Variants in TRIO observed in about 807,000 individuals in gnomAD.
TRIO encodes the protein triple functional domain protein.
A neutral mutation model predicts 351.9 loss-of-function variants in TRIO; 58 were observed. That is an observed-to-expected ratio of 0.16 (90% CI 0.13 to 0.21). The LOEUF is 0.21. Ranked by LOEUF, TRIO falls within the 10% of genes least tolerant of loss-of-function variation. The pLI is 1.00. For missense variants in TRIO, 3,201 were observed against 4,027.8 expected (o/e 0.79, Z 5.56); for synonymous variants, 1,758 against 1,595.7 (o/e 1.10, Z -2.42).
intron 34 of TRIO, among the ~76,000 whole-genome samples, chr5:14,453,205 G>A (rs1008111340): frequency 2.6e-5 from 4 of 151,956 alleles, no homozygotes; most frequent in Non-Finnish European, 5.9e-5. Context: ...CTTTCTCTTG[G>A]TGCTTCAAGC....
chr5:14,202,938 AT>A (rs1791226501), intron 1 of TRIO, among the ~76,000 whole-genome samples: 1 of 151,902 alleles, frequency 6.6e-6, no homozygotes, highest in Non-Finnish European at 1.5e-5. Flanking sequence ...GTCATTTATA[AT>A]TTTTATTTAT....
intron 34 of TRIO, among the ~76,000 whole-genome samples, chr5:14,423,189 G>A (rs1282115039): frequency 1.3e-5 from 2 of 152,224 alleles, no homozygotes; most frequent in African/African-American, 4.8e-5. Context: ...TGTGTTTGTC[G>A]TTTATGCTGT....
Position 14,462,972 on chromosome 5 carries a change from C to T in TRIO, c.5667+47C>T, listed in dbSNP as rs576480373. 5.3e-6 allele frequency: 8 copies of T among 1,513,382 alleles called. No individual in the cohort carries two copies. The African/African-American group carries it at 8.4e-5, about 16-fold the overall frequency. 93.7% of individuals were successfully genotyped at this position (1,513,382 alleles called of 1,614,324 possible). On this transcript the variant is annotated intron_variant, in intron 36 of 56. Transcript: ENST00000344204. ...GGAATCCATGCCTGCCGTGCAGGGG[C>T]AGGGCACGCTCGGTAGCTGCTTCAC...
intron 33 of TRIO, among the ~76,000 whole-genome samples, chr5:14,415,666 C>T (rs181924697): frequency 6.6e-6 from 1 of 152,266 alleles, no homozygotes; most frequent in African/African-American, 2.4e-5. Context: ...GTATTTCATT[C>T]TCTCGGGTGA....
At chr5:14,146,448 C>G (rs914936468) in intron 1 of TRIO, among the ~76,000 whole-genome samples, 3 of 152,142 alleles carry the variant, frequency 2.0e-5, no homozygotes, top group African/African-American at 7.2e-5. Context: ...GCCTGATTTT[C>G]TTTCTTTTTT....
rs145624600 is a variant in TRIO at position 14,389,315 on chromosome 5, C to G, written c.3975C>G (p.Gly1325=). 6.2e-7 allele frequency: 1 copy of G among 1,611,932 alleles called. No homozygotes were observed. Among genetic ancestry groups the G allele is most frequent in the African/African-American group, 1.3e-5 (1 of 74,694 alleles). The change falls in exon 25 of 57, where the codon GGC becomes GGG. Residue 1325 remains glycine, a synonymous_variant. Coordinates refer to ENST00000344204, the MANE Select transcript of TRIO (RefSeq NM_007118.4). ...CGTACCTGTGGGAAATGACCAGTGG[C>G]GTGGAAGAGATTCCACCTGGCATTG... is the stretch of plus-strand genomic sequence containing the variant. ...MDTYLWEMTS[G]VEEIPPGIVN... is the part of the protein sequence containing the mutation.
chr5:14,420,153 G>GACTGTCC, intron 34 of TRIO, 132 bp downstream of exon 34: 1 of 1,367,148 alleles, frequency 7.3e-7, no homozygotes, highest in African/African-American at 1.5e-5. Context: ...CATGGTCACT[G>GACTGTCC]ACTGTCCGGG....
intron 21 of TRIO, among the ~76,000 whole-genome samples, chr5:14,385,060 C>T (rs567670931): frequency 6.6e-6 from 1 of 152,266 alleles, no homozygotes; most frequent in African/African-American, 2.4e-5. Context: ...TTCATTTCAC[C>T]CAGTGGATTA....
At chr5:14,505,559 G>GC in intron 55 of TRIO, among the ~76,000 whole-genome samples, 1 of 152,328 alleles carries the variant, frequency 6.6e-6, no homozygotes, top group East Asian at 1.9e-4. Context: ...CAAGCTCGGG[G>GC]CCCCTCGCCG....
chr5:14,500,071 A>G (rs1426652182), intron 53 of TRIO, among the ~76,000 whole-genome samples: 1 of 146,242 alleles, frequency 6.8e-6, no homozygotes, highest in African/African-American at 2.5e-5. Flanking sequence ...AAAAAAAAAG[A>G]CTATTCATAC....
chr5:14,203,264 G>A (rs1380941025), intron 1 of TRIO, among the ~76,000 whole-genome samples: 1 of 152,166 alleles, frequency 6.6e-6, no homozygotes. Context: ...GATTCCAGAA[G>A]GCGTTGAGTC....
chr5:14,383,281 C>A (rs1388019013), intron 21 of TRIO, among the ~76,000 whole-genome samples: 1 of 152,206 alleles, frequency 6.6e-6, no homozygotes, highest in East Asian at 1.9e-4. Context: ...ACATCACATA[C>A]CACACTCAAA....
chr5:14,237,637 G>A (rs1156418939), intron 1 of TRIO, among the ~76,000 whole-genome samples: 1 of 152,218 alleles, frequency 6.6e-6, no homozygotes, highest in Admixed American at 6.5e-5. Context: ...ACAGATGGAA[G>A]TGAATGTGAA....
intron 8 of TRIO, among the ~76,000 whole-genome samples, chr5:14,307,119 G>A (rs1249739497): frequency 6.6e-6 from 1 of 152,190 alleles, no homozygotes; most frequent in East Asian, 1.9e-4. Context: ...CAGGGCTACA[G>A]GAAAGTGGTA....
chr5:14,415,375 G>A (rs1749554849), intron 33 of TRIO, among the ~76,000 whole-genome samples: 1 of 152,094 alleles, frequency 6.6e-6, no homozygotes, highest in South Asian at 2.1e-4. Context: ...GCAGAGCTTG[G>A]TAATTCAAAC....
intron 11 of TRIO, among the ~76,000 whole-genome samples, chr5:14,351,147 C>T (rs1743053102): frequency 6.6e-6 from 1 of 152,162 alleles, no homozygotes; most frequent in East Asian, 1.9e-4. Context: ...ACATTGGTGA[C>T]CCCTGTATTA....
chr5:14,295,826 G>A lies in TRIO; in HGVS notation c.1177-1246G>A, dbSNP rs114157896. On this transcript the variant is annotated intron_variant, in intron 6 of 56. Coordinates refer to ENST00000344204, the MANE Select transcript of TRIO (RefSeq NM_007118.4). ...CTTGACTGTTGCAGCCTCTTTCTGC[G>A]ACTCCAGACATGCGATGTCTGTTAG... Among the ~76,000 whole-genome samples the A allele has an allele frequency of 7.2e-3, 1,093 of 152,218 alleles. 6 individuals are homozygous for A. The highest frequency in any genetic ancestry group is 0.025 in the African/African-American group (1,040 of 41,520).
At chr5:14,163,194 C>T (rs781124793) in intron 1 of TRIO, among the ~76,000 whole-genome samples, 36 of 152,188 alleles carry the variant, frequency 2.4e-4, no homozygotes, top group Non-Finnish European at 2.9e-4. Context: ...GGCCCTGGTC[C>T]GGTGTGTGAT....
intron 34 of TRIO, among the ~76,000 whole-genome samples, chr5:14,444,225 C>A (rs1397303480): frequency 6.6e-6 from 1 of 152,100 alleles, no homozygotes; most frequent in African/African-American, 2.4e-5. Context: ...TAATATGAAC[C>A]TATTCTGAAA....
Sources: allele counts gnomAD v4.1 joint callset (sites outside exome capture counted in the v4.1 genomes callset), GRCh38; gene constraint gnomAD v4.1.1; transcripts MANE v1.5; gene names NCBI Gene and HGNC (gene_info 2026-07-23, HGNC 2026-07-21).